The following NADSYN1 variants were observed in gnomAD, a reference collection of about 807,000 sequenced individuals.
The protein encoded by NADSYN1 is glutamine-dependent NAD(+) synthetase.
NADSYN1 carries 80 observed loss-of-function variants against 99.3 expected under a neutral mutation model. The observed-to-expected ratio is 0.81, with a 90% CI of 0.67 to 0.97. The LOEUF (loss-of-function observed/expected upper bound fraction) is 0.97. Ranked by LOEUF, NADSYN1 falls within the 50% of genes least tolerant of loss-of-function variation. The pLI, the probability that NADSYN1 is intolerant of heterozygous loss-of-function variation, is 0.00. For synonymous variants in NADSYN1, 385 were observed against 372.1 expected, an observed-to-expected ratio of 1.03 and a Z score of -0.40; for missense variants, 859 against 948.5, an observed-to-expected ratio of 0.91 and a Z score of 1.24.
In NADSYN1 at chr11:71,490,099, T is replaced by G. The variant is rs1413871849; in HGVS notation, c.1563-746T>G. Among the ~76,000 whole-genome samples, 3 of 152,154 alleles carry G rather than the reference T, an allele frequency of 2.0e-5. No homozygotes were observed. The East Asian group carries it at 5.8e-4, about 29-fold the overall frequency. Reference sequence around the variant, plus strand: ...ATGGGTCCCCTGGCTCAAGTGAAGGTGTGGACACAGTGGGTTCCTTCTGGA... The same window carrying G: ...ATGGGTCCCCTGGCTCAAGTGAAGGGGTGGACACAGTGGGTTCCTTCTGGA... On this transcript the variant is annotated intron_variant, in intron 16 of 20. Transcript: ENST00000319023.
intron 10 of NADSYN1, 35 bp downstream of exon 10, chr11:71,478,504 C>T (rs1194569834): frequency 4.5e-6 from 7 of 1,561,838 alleles, no homozygotes; most frequent in Non-Finnish European, 6.1e-6. Flanking sequence ...GTGGGATGCT[C>T]ATCAAAGACG....
intron 16 of NADSYN1, among the ~76,000 whole-genome samples, chr11:71,490,032 A>G (rs1949768629): frequency 6.6e-6 from 1 of 152,104 alleles, no homozygotes; most frequent in African/African-American, 2.4e-5. Context: ...CTTCAACAAC[A>G]CACATTTATG....
At chr11:71,500,916 G>T (rs561036957) in intron 20 of NADSYN1, among the ~76,000 whole-genome samples, 1 of 152,202 alleles carries the variant, frequency 6.6e-6, no homozygotes, top group Admixed American at 6.5e-5. Flanking sequence ...GGCCACCCAG[G>T]GCAGGAGAGG....
chr11:71,463,909 A>G, intron 4 of NADSYN1, 144 bp from the exon 5 acceptor site: 1 of 633,860 alleles, frequency 1.6e-6, no homozygotes, highest in South Asian at 1.9e-5. Context: ...GCGGAAGCCC[A>G]GAGAAGGAGA....
At chr11:71,479,245 A>C (rs967435625) in intron 10 of NADSYN1, 2 of 150,696 alleles carry the variant, frequency 1.3e-5, no homozygotes, top group Non-Finnish European at 2.9e-5. Flanking sequence ...ATGCCCAACT[A>C]ATTTTTGATT....
chr11:71,474,861 G>A (rs1022218853), intron 9 of NADSYN1: 3 of 368,476 alleles, frequency 8.1e-6, no homozygotes, highest in Admixed American at 7.4e-5. Context: ...TCTGGAGACA[G>A]CTGAACCCCG....
chr11:71,490,436 G>A (rs1043685583), intron 16 of NADSYN1, among the ~76,000 whole-genome samples: 2 of 152,234 alleles, frequency 1.3e-5, no homozygotes, highest in Non-Finnish European at 2.9e-5. Flanking sequence ...GCACCTTAGT[G>A]AGAGATGGAT....
Position 71,467,826 on chromosome 11 carries a change from A to G in NADSYN1, c.407+3684A>G, listed in dbSNP as rs558039022. ...TATTTGAAAGAAAATGGAAACATCC[A>G]TAAGATGTTTAAAAGATGCTGTTCT... is the stretch of plus-strand genomic sequence containing the variant. On this transcript the variant is annotated intron_variant, in intron 5 of 20. Coordinates refer to ENST00000319023, the MANE Select transcript of NADSYN1 (RefSeq NM_018161.5). Among the ~76,000 whole-genome samples, 72 of 152,398 alleles carry G rather than the reference A, an allele frequency of 4.7e-4. 1 individual carries two copies. In the South Asian group the frequency reaches 0.014, roughly 30 times the overall value.
chr11:71,487,330 TGAG>T (rs1309782638), intron 16 of NADSYN1, among the ~76,000 whole-genome samples: 2 of 152,248 alleles, frequency 1.3e-5, no homozygotes, highest in African/African-American at 2.4e-5. Context: ...CTGGTGTAGT[TGAG>T]GAGATTGATG....
In NADSYN1 at chr11:71,484,621, C is replaced by T. The variant is rs550379517; in HGVS notation, c.1455+174C>T. 1.8e-5 allele frequency: 17 copies of T among 934,736 alleles called. No individual in the cohort carries two copies. In the South Asian group the frequency reaches 2.3e-4, roughly 13 times the overall value. 57.9% of individuals were successfully genotyped at this position (934,736 alleles called of 1,614,324 possible). On this transcript the variant is annotated intron_variant, in intron 15 of 20. Coordinates refer to ENST00000319023, the MANE Select transcript of NADSYN1 (RefSeq NM_018161.5). ...CACAGCCTGTATGCCTCACTGAAGA[C>T]GTCGGTCATGCAGCCTTGTTAACAA...
At chr11:71,486,498 T>C (rs1189872633) in intron 16 of NADSYN1, among the ~76,000 whole-genome samples, 1 of 151,926 alleles carries the variant, frequency 6.6e-6, no homozygotes, top group Non-Finnish European at 1.5e-5. Context: ...CATCCATTCA[T>C]TCACCCATCT....
intron 16 of NADSYN1, among the ~76,000 whole-genome samples, chr11:71,489,511 A>G (rs887754046): frequency 6.6e-6 from 1 of 152,124 alleles, no homozygotes; most frequent in Admixed American, 6.5e-5. Flanking sequence ...GCCCCGGCGG[A>G]TTTCCCCAGT....
intron 17 of NADSYN1, among the ~76,000 whole-genome samples, chr11:71,491,265 C>T (rs935437506): frequency 7.2e-5 from 11 of 152,374 alleles, no homozygotes; most frequent in East Asian, 5.8e-4. Context: ...GGCCGAGGCT[C>T]GCCACATCTG....
intron 14 of NADSYN1, among the ~76,000 whole-genome samples, chr11:71,483,738 A>G (rs1042994479): frequency 1.3e-5 from 2 of 152,246 alleles, no homozygotes; most frequent in South Asian, 4.1e-4. Flanking sequence ...ATACTTGTTC[A>G]GGAAAGTCCA....
At chr11:71,466,739 G>T (rs928765994) in intron 5 of NADSYN1, 2 of 152,234 alleles carry the variant, frequency 1.3e-5, no homozygotes, top group Non-Finnish European at 2.9e-5. Context: ...TTCCAGAACC[G>T]GAATGACCCT....
At chr11:71,466,217 G>C (rs1243346849) in intron 5 of NADSYN1, among the ~76,000 whole-genome samples, 2 of 152,054 alleles carry the variant, frequency 1.3e-5, no homozygotes, top group Non-Finnish European at 2.9e-5. Context: ...GTAAATCTTT[G>C]CTTTCTAATG....
chr11:71,473,060 C>T (rs1044440570), intron 6 of NADSYN1, among the ~76,000 whole-genome samples: 20 of 152,206 alleles, frequency 1.3e-4, no homozygotes, highest in African/African-American at 2.9e-4. Context: ...AGAGTACAGG[C>T]GTCCCCTTCT....
At chr11:71,470,253 A>G (rs922658266) in intron 5 of NADSYN1, among the ~76,000 whole-genome samples, 2 of 152,250 alleles carry the variant, frequency 1.3e-5, no homozygotes, top group African/African-American at 2.4e-5. Flanking sequence ...TGGGAATTAC[A>G]GGAGCTATGA....
chr11:71,491,855 C>T lies in NADSYN1; in HGVS notation c.1716C>T (p.Thr572=), dbSNP rs555007634. ...GCAGCATCCTGTTGGCGCCGGCCACCGCAGAGCTGGAGCCCTTGGCTGATG... is the reference window on the plus strand; with the variant it reads ...GCAGCATCCTGTTGGCGCCGGCCACTGCAGAGCTGGAGCCCTTGGCTGATG... The part of the protein sequence containing the change: ...ALQSILLAPA[T]AELEPLADGQ... Residue 572 remains threonine (T), a synonymous_variant, in exon 18 of 21, where the codon ACC becomes ACT. Coordinates refer to ENST00000319023, the MANE Select transcript of NADSYN1 (RefSeq NM_018161.5). 1.1e-5 allele frequency: 18 copies of T among 1,614,096 alleles called. No individual in the cohort carries two copies. Among genetic ancestry groups the T allele is most frequent in the East Asian group, 2.2e-5 (1 of 44,878 alleles).
Sources: allele counts gnomAD v4.1 joint callset (sites outside exome capture counted in the v4.1 genomes callset), GRCh38; gene constraint gnomAD v4.1.1; transcripts MANE v1.5; gene names NCBI Gene and HGNC (gene_info 2026-07-23, HGNC 2026-07-21).